The following DPF3 variants were observed in gnomAD, a reference collection of about 807,000 sequenced individuals.
DPF3 encodes the protein zinc finger protein DPF3.
Under a neutral mutation model 56.8 loss-of-function variants are expected in DPF3, and 18 were observed. The observed-to-expected ratio is 0.32, with a 90% confidence interval of 0.22 to 0.47. The LOEUF (loss-of-function observed/expected upper bound fraction) is 0.47. DPF3 is among the 20% of genes least tolerant of loss of function. The pLI is 1.00. For missense variants in DPF3, 403 were observed against 488.8 expected (o/e 0.82, Z 1.65); for synonymous variants, 188 against 180.2 (o/e 1.04, Z -0.35).
chr14:72,682,235 A>C (rs1887196037), intron 7 of DPF3, among the ~76,000 whole-genome samples: 1 of 151,652 alleles, frequency 6.6e-6, no homozygotes, highest in Non-Finnish European at 1.5e-5. Context: ...AAAAAAAAAA[A>C]AGCTTAGGAA....
At chr14:72,697,694 C>A (rs1262146054) in intron 6 of DPF3, among the ~76,000 whole-genome samples, 5 of 152,068 alleles carry the variant, frequency 3.3e-5, no homozygotes, top group African/African-American at 1.2e-4. Context: ...GATTGTAGGG[C>A]AGAATATGGA....
intron 2 of DPF3, among the ~76,000 whole-genome samples, chr14:72,761,773 GC>G (rs1891077992): frequency 1.3e-5 from 2 of 151,732 alleles, no homozygotes; most frequent in South Asian, 2.1e-4. Context: ...TCTACCAAAA[GC>G]TATTTATTTG....
intron 2 of DPF3, among the ~76,000 whole-genome samples, chr14:72,759,449 C>T (rs937702201): frequency 6.6e-6 from 1 of 151,394 alleles, no homozygotes; most frequent in Non-Finnish European, 1.5e-5. Context: ...TGGAAGAATG[C>T]CATAAGCCTG....
intron 9 of DPF3, among the ~76,000 whole-genome samples, chr14:72,621,356 C>G (rs918380600): frequency 6.6e-6 from 1 of 151,858 alleles, no homozygotes; most frequent in African/African-American, 2.4e-5. Flanking sequence ...CTAGTTTCAG[C>G]TCTGTTCTAT....
At chr14:72,851,187 C>G (rs1884970907) in intron 1 of DPF3, among the ~76,000 whole-genome samples, 1 of 152,114 alleles carries the variant, frequency 6.6e-6, no homozygotes, top group Admixed American at 6.5e-5. Context: ...TTTGAACGTC[C>G]CATTGGTGAG....
chr14:72,813,210 G>T (rs968458357), intron 1 of DPF3, among the ~76,000 whole-genome samples: 1 of 152,100 alleles, frequency 6.6e-6, no homozygotes, highest in African/African-American at 2.4e-5. Context: ...GGGTTCAGGG[G>T]ACAAAAAATA....
At chr14:72,670,273 T>C in intron 8 of DPF3, 1 of 985,984 alleles carries the variant, frequency 1.0e-6, no homozygotes, top group Non-Finnish European at 1.2e-6. Flanking sequence ...GACGTTCTGC[T>C]TATATTCCAT....
chr14:72,818,333 C>A (rs1883378671), intron 1 of DPF3, among the ~76,000 whole-genome samples: 1 of 149,976 alleles, frequency 6.7e-6, no homozygotes, highest in African/African-American at 2.4e-5. Context: ...AAATAAGAAT[C>A]ACAAAAGGGA....
At chr14:72,664,624 A>C (rs1261718136) in intron 8 of DPF3, among the ~76,000 whole-genome samples, 1 of 101,350 alleles carries the variant, frequency 9.9e-6, no homozygotes, top group Non-Finnish European at 2.0e-5. Context: ...CCACCTCACC[A>C]CCTCCCACCT....
intron 1 of DPF3, among the ~76,000 whole-genome samples, chr14:72,796,869 G>C (rs906011283): frequency 2.0e-5 from 3 of 152,178 alleles, no homozygotes; most frequent in African/African-American, 4.8e-5. Context: ...CAAGAGGTAG[G>C]GAGGTTTAGA....
At chr14:72,790,030 T>C (rs947405177) in intron 1 of DPF3, among the ~76,000 whole-genome samples, 2 of 151,886 alleles carry the variant, frequency 1.3e-5, no homozygotes, top group African/African-American at 2.4e-5. Context: ...GGCAGGCAGA[T>C]TGCTTGAGCC....
At chr14:72,663,709 T>C (rs1247337641) in intron 8 of DPF3, among the ~76,000 whole-genome samples, 2 of 152,014 alleles carry the variant, frequency 1.3e-5, no homozygotes, top group Admixed American at 1.3e-4. Flanking sequence ...GTCCCAACAG[T>C]GCCTAGATCA....
chr14:72,887,845 G>C (rs1886607267), intron 1 of DPF3, among the ~76,000 whole-genome samples: 1 of 152,212 alleles, frequency 6.6e-6, no homozygotes, highest in African/African-American at 2.4e-5. Flanking sequence ...GAACATGGAA[G>C]AGGAAAAGAG....
At position 72,657,163 on chromosome 14, in the gene DPF3, C is replaced by G. The variant is rs894729139; in HGVS notation, c.871+17077G>C. ...CATAATTAACCACTTTAAGGAGCCACAGCCATTAAAGAATCTGTGCTGACC... is the reference window on the plus strand; with the variant it reads ...CATAATTAACCACTTTAAGGAGCCAGAGCCATTAAAGAATCTGTGCTGACC... On this transcript the variant is annotated intron_variant, in intron 8 of 10. Transcript: ENST00000556509. Among the ~76,000 whole-genome samples, 10 of 152,198 alleles carry G rather than the reference C, an allele frequency of 6.6e-5. No individual in the cohort carries two copies. The East Asian group carries it at 1.7e-3, about 26-fold the overall frequency.
intron 8 of DPF3, among the ~76,000 whole-genome samples, chr14:72,649,576 T>C (rs1885834735): frequency 6.7e-6 from 1 of 150,100 alleles, no homozygotes; most frequent in Admixed American, 6.7e-5. Context: ...AGATTTTGGT[T>C]CTTGCTTATT....
At chr14:72,660,555 G>A (rs760807136) in intron 8 of DPF3, among the ~76,000 whole-genome samples, 1 of 152,220 alleles carries the variant, frequency 6.6e-6, no homozygotes, top group Admixed American at 6.5e-5. Context: ...CCAACCGGCA[G>A]CTTGGGAGGC....
intron 7 of DPF3, among the ~76,000 whole-genome samples, chr14:72,676,250 G>A (rs968727516): frequency 6.6e-6 from 1 of 152,168 alleles, no homozygotes; most frequent in Non-Finnish European, 1.5e-5. Context: ...TTGTTACTTA[G>A]GTAGCTTCCT....
At position 72,619,976 on chromosome 14, in the gene DPF3, T is replaced by A. The variant is rs1035361140; in HGVS notation, c.993A>T (p.Leu331=). Residue 331 remains leucine, a synonymous_variant, in exon 10 of 11, where the codon CTA becomes CTT. Coordinates refer to ENST00000556509, the MANE Select transcript of DPF3 (RefSeq NM_001280542.3). ...CTCGGTCACAGTCATCGCAGAAGAG[T>A]AGCTGGTCCTGGTGGAACACAGAGT... ...LCGTSENDDQ[L]LFCDDCDRGY... 5.9e-6 allele frequency: 9 copies of A among 1,532,878 alleles called. No homozygotes were observed. The East Asian group carries it at 1.7e-4, about 29-fold the overall frequency. 95.0% of individuals were successfully genotyped at this position (1,532,878 alleles called of 1,614,324 possible).
chr14:72,852,145 A>G (rs1885008899), intron 1 of DPF3, among the ~76,000 whole-genome samples: 1 of 152,248 alleles, frequency 6.6e-6, no homozygotes, highest in Non-Finnish European at 1.5e-5. Context: ...GTCAAGTTGC[A>G]GGAGAAGAAT....
Sources: allele counts gnomAD v4.1 joint callset (sites outside exome capture counted in the v4.1 genomes callset), GRCh38; gene constraint gnomAD v4.1.1; transcripts MANE v1.5; gene names NCBI Gene and HGNC (gene_info 2026-07-23, HGNC 2026-07-21).